The following TRPM3 variants were observed in gnomAD, a reference collection of about 807,000 sequenced individuals.
TRPM3 encodes transient receptor potential cation channel subfamily M member 3.
TRPM3 carries 77 observed loss-of-function variants against 181.2 expected under a neutral mutation model. That is an observed-to-expected ratio of 0.42 (90% CI 0.35 to 0.51). TRPM3 has a LOEUF of 0.51. TRPM3 is among the 20% of genes least tolerant of loss of function. The probability of loss-of-function intolerance (pLI) is 0.01; values close to 1 mark genes in which losing one functional copy is unlikely to be tolerated. For missense variants in TRPM3, 1,759 were observed against 2,196.7 expected (o/e 0.80, Z 3.98); for synonymous variants, 745 against 796.4 (o/e 0.94, Z 1.09).
chr9:70,809,872 G>GT (rs150865209), intron 6 of TRPM3: 15,438 of 490,568 alleles, frequency 0.031, 331 homozygotes, highest in Non-Finnish European at 0.044. Flanking sequence ...AACATACAGT[G>GT]TTTTTCATCT....
rs546134075 is a variant in TRPM3, at chr9:70,651,906, T to TA, written c.1346-11247dup. On this transcript the variant is annotated intron_variant, in intron 9 of 25. Transcript: ENST00000677713. ...GATCAAAGCTTTGCATTAGTATTAT[T>TA]AGTATTCCTCTAACTGAAATATTGG... Among the ~76,000 whole-genome samples, 209 of 152,288 alleles carry TA rather than the reference T, an allele frequency of 1.4e-3. 3 individuals are homozygous for TA. The South Asian group carries it at 0.02, about 14-fold the overall frequency.
At chr9:71,163,555 T>G (rs2076380486) in intron 1 of TRPM3, among the ~76,000 whole-genome samples, 1 of 152,090 alleles carries the variant, frequency 6.6e-6, no homozygotes, top group Non-Finnish European at 1.5e-5. Flanking sequence ...TGTGAGATAA[T>G]CAAATTGAGG....
chr9:70,989,561 C>A (rs1394607953), intron 1 of TRPM3, among the ~76,000 whole-genome samples: 1 of 152,114 alleles, frequency 6.6e-6, no homozygotes, highest in Non-Finnish European at 1.5e-5. Context: ...CTTAGTCCTT[C>A]TGTAGGGTTT....
intron 1 of TRPM3, among the ~76,000 whole-genome samples, chr9:70,972,702 A>T (rs1489073259): frequency 1.3e-5 from 2 of 152,172 alleles, no homozygotes; most frequent in Admixed American, 1.3e-4. Context: ...ATCTTGAATA[A>T]GTCTTCGGAC....
chr9:71,360,599 C>T (rs532555923), intron 1 of TRPM3, among the ~76,000 whole-genome samples: 1 of 152,272 alleles, frequency 6.6e-6, no homozygotes, highest in South Asian at 2.1e-4. Flanking sequence ...GCTCATGCTG[C>T]TCTCATGAGC....
At chr9:71,063,356 T>G (rs1347984383) in intron 1 of TRPM3, among the ~76,000 whole-genome samples, 4 of 152,170 alleles carry the variant, frequency 2.6e-5, no homozygotes, top group Admixed American at 6.6e-5. Flanking sequence ...GGGTACCTAA[T>G]TCACACACGG....
Position 71,400,398 on chromosome 9 carries a change from C to T in TRPM3, c.183+46255G>A, listed in dbSNP as rs1371071312. Among the ~76,000 whole-genome samples, 3 of 152,128 alleles carry T rather than the reference C, an allele frequency of 2.0e-5. No homozygotes were observed. In the East Asian group the frequency reaches 5.8e-4, roughly 29 times the overall value. ...GTATTATACTCAAAGTTTACTTTGA[C>T]ATTCACTGGGATGATCTAGAGAGGG... On this transcript the variant is annotated intron_variant, in intron 1 of 24. Transcript: ENST00000357533.
chr9:71,049,337 G>A (rs1451893428), intron 1 of TRPM3, among the ~76,000 whole-genome samples: 2 of 152,090 alleles, frequency 1.3e-5, no homozygotes, highest in East Asian at 3.9e-4. Flanking sequence ...ATCTTTCAGA[G>A]TATGAGGAAA....
intron 1 of TRPM3, among the ~76,000 whole-genome samples, chr9:70,901,777 G>T (rs767101638): frequency 6.6e-6 from 1 of 152,168 alleles, no homozygotes; most frequent in Non-Finnish European, 1.5e-5. Flanking sequence ...AAAGGAGGCA[G>T]ATTTTGTTTC....
chr9:71,108,211 CTT>C (rs1166198147), intron 1 of TRPM3, among the ~76,000 whole-genome samples: 2 of 152,292 alleles, frequency 1.3e-5, no homozygotes, highest in South Asian at 2.1e-4. Context: ...TCCATTTCCT[CTT>C]GTTATATATT....
chr9:71,409,706 G>A (rs1317360426), intron 1 of TRPM3, among the ~76,000 whole-genome samples: 1 of 152,158 alleles, frequency 6.6e-6, no homozygotes, highest in African/African-American at 2.4e-5. Flanking sequence ...CAACGAGACA[G>A]AAGGTTAACA....
intron 2 of TRPM3, 150 bp from the exon 3 acceptor site, chr9:70,863,262 T>C: frequency 1.6e-6 from 1 of 643,218 alleles, no homozygotes; most frequent in Admixed American, 3.0e-5. Context: ...TATCAGGTAT[T>C]GGTAAACTCA....
chr9:71,065,215 T>C (rs1177284154), intron 1 of TRPM3, among the ~76,000 whole-genome samples: 2 of 152,130 alleles, frequency 1.3e-5, no homozygotes, highest in Non-Finnish European at 2.9e-5. Flanking sequence ...TCAAAGCTAA[T>C]GGATGAAGAA....
At chr9:71,211,894 C>T (rs543120239) in intron 1 of TRPM3, among the ~76,000 whole-genome samples, 66 of 152,226 alleles carry the variant, frequency 4.3e-4, no homozygotes, top group African/African-American at 1.5e-3. Flanking sequence ...TTTTGGGAGA[C>T]ACACTTCAAC....
intron 1 of TRPM3, among the ~76,000 whole-genome samples, chr9:70,908,409 G>A (rs1324088467): frequency 1.3e-5 from 2 of 152,224 alleles, no homozygotes; most frequent in East Asian, 1.9e-4. Flanking sequence ...ACAACCAAAT[G>A]AGCTGGACAA....
chr9:70,578,990 T>G (rs1353019009), intron 22 of TRPM3, among the ~76,000 whole-genome samples: 1 of 152,056 alleles, frequency 6.6e-6, no homozygotes, highest in Non-Finnish European at 1.5e-5. Flanking sequence ...TGGGTGGTGG[T>G]TAGGGGGTGC....
intron 1 of TRPM3, among the ~76,000 whole-genome samples, chr9:71,425,498 G>A (rs528335236): frequency 3.3e-5 from 5 of 151,968 alleles, no homozygotes; most frequent in East Asian, 3.9e-4. Flanking sequence ...CATATTAATC[G>A]CAAATTCAAT....
chr9:71,058,364 C>T (rs2060907794), intron 1 of TRPM3, among the ~76,000 whole-genome samples: 1 of 151,986 alleles, frequency 6.6e-6, no homozygotes, highest in South Asian at 2.1e-4. Flanking sequence ...GGAAGCCAAA[C>T]CAGGGACGGA....
At chr9:71,233,105 T>C (rs890618307) in intron 1 of TRPM3, among the ~76,000 whole-genome samples, 3 of 152,238 alleles carry the variant, frequency 2.0e-5, no homozygotes, top group African/African-American at 4.8e-5. Context: ...TTCATTTTAC[T>C]GTCCTGCCTT....
Sources: allele counts gnomAD v4.1 joint callset (sites outside exome capture counted in the v4.1 genomes callset), GRCh38; gene constraint gnomAD v4.1.1; transcripts MANE v1.5; gene names NCBI Gene and HGNC (gene_info 2026-07-23, HGNC 2026-07-21).